The following CCDC93 variants were observed in gnomAD, a reference collection of about 807,000 sequenced individuals.
The protein encoded by CCDC93 is coiled-coil domain-containing protein 93.
Under a neutral mutation model 108.2 loss-of-function variants are expected in CCDC93, and 61 were observed. The ratio of observed to expected loss-of-function variants is 0.56; its 90% CI spans 0.46 to 0.70. The LOEUF is 0.70. Among genes scored for constraint, CCDC93 ranks in the 30% least tolerant of loss-of-function variants. The pLI is 0.00. For missense variants in CCDC93, 685 were observed against 764.2 expected, an observed-to-expected ratio of 0.90 and a Z score of 1.22; for synonymous variants, 276 against 260.4, an observed-to-expected ratio of 1.06 and a Z score of -0.58.
At chr2:118,007,089 T>C (rs1323012577) in intron 2 of CCDC93, among the ~76,000 whole-genome samples, 2 of 152,216 alleles carry the variant, frequency 1.3e-5, no homozygotes, top group Non-Finnish European at 2.9e-5. Context: ...TGCTGAGCAG[T>C]TGAAATGTGG....
chr2:117,945,616 T>C lies in CCDC93; in HGVS notation c.1297-34A>G, dbSNP rs201717424. ...ATGAAAACATAATAAACACCTCTCC[T>C]GAGCATTCGGGAATAAGACAGAAGC... On this transcript the variant is annotated intron_variant, in intron 16 of 23. Transcript: ENST00000376300. The C allele has an allele frequency of 1.9e-6, 3 of 1,587,854 alleles. No homozygotes were observed. The East Asian group carries it at 6.7e-5, about 36-fold the overall frequency.
At chr2:117,991,145 A>G (rs1054262654) in intron 6 of CCDC93, among the ~76,000 whole-genome samples, 3 of 152,218 alleles carry the variant, frequency 2.0e-5, no homozygotes, top group Non-Finnish European at 2.9e-5. Context: ...ATGTCTAAAC[A>G]AGAATAAGTA....
chr2:117,948,165 T>C lies in CCDC93; in HGVS notation c.1164A>G (p.Ala388=). The part of the protein sequence containing the change: ...ADPSILQNLR[A]LVAMNENLKS... ...TCAGATTTTCATTCATGGCTACAAGTGCTCTCAGGTTCTGTAGGATACTGA... is the reference window on the plus strand; with the variant it reads ...TCAGATTTTCATTCATGGCTACAAGCGCTCTCAGGTTCTGTAGGATACTGA... Residue 388 remains alanine (A), a synonymous_variant, in exon 15 of 24, where the codon GCA becomes GCG. Transcript: ENST00000376300. 1 of 1,613,548 alleles carries C rather than the reference T, an allele frequency of 6.2e-7. No homozygotes were observed. The highest frequency in any genetic ancestry group is 1.1e-5 in the South Asian group (1 of 91,054).
intron 7 of CCDC93, among the ~76,000 whole-genome samples, chr2:117,984,313 T>C (rs1369912698): frequency 2.0e-5 from 3 of 152,112 alleles, no homozygotes; most frequent in African/African-American, 2.4e-5. Context: ...CCAGGATTGG[T>C]ATCAAGACAC....
At chr2:117,969,909 C>T (rs1489454519) in intron 11 of CCDC93, among the ~76,000 whole-genome samples, 1 of 152,128 alleles carries the variant, frequency 6.6e-6, no homozygotes, top group Non-Finnish European at 1.5e-5. Flanking sequence ...TTCCTTGAAC[C>T]CTCCTTCAAG....
At chr2:118,005,867 ATAAAG>A (rs1308959105) in intron 3 of CCDC93, among the ~76,000 whole-genome samples, 6 of 152,172 alleles carry the variant, frequency 3.9e-5, no homozygotes, top group South Asian at 2.1e-4. Context: ...CTGTATAAAT[ATAAAG>A]TAAATTGCAA....
chr2:117,984,081 A>G (rs1680241877), intron 7 of CCDC93, among the ~76,000 whole-genome samples: 2 of 152,170 alleles, frequency 1.3e-5, no homozygotes, highest in African/African-American at 4.8e-5. Flanking sequence ...TGTTGTCATT[A>G]TTAGTCTCAA....
At chr2:117,986,677 A>G (rs1296329651) in intron 6 of CCDC93, among the ~76,000 whole-genome samples, 4 of 152,226 alleles carry the variant, frequency 2.6e-5, no homozygotes, top group Admixed American at 2.0e-4. Flanking sequence ...ACTTTAGTAT[A>G]CAGTTTCGAG....
At position 117,936,571 on chromosome 2, in the gene CCDC93, G is replaced by A. The variant is rs980676023; in HGVS notation, c.1643+131C>T. On this transcript the variant is annotated intron_variant, in intron 21 of 23. Coordinates refer to ENST00000376300, the MANE Select transcript of CCDC93 (RefSeq NM_019044.5). ...GATACTTAGCAGAAGGGCTAAAAGA[G>A]TAAGAATCACATACCCAGTGTTAAG... 6.4e-6 allele frequency: 5 copies of A among 777,072 alleles called. No individual in the cohort carries two copies. In the African/African-American group the frequency reaches 6.8e-5, roughly 11 times the overall value. 48.1% of individuals were successfully genotyped at this position (777,072 alleles called of 1,614,324 possible).
intron 7 of CCDC93, among the ~76,000 whole-genome samples, chr2:117,979,562 GAACA>G (rs1459476884): frequency 2.6e-5 from 4 of 152,242 alleles, no homozygotes; most frequent in Non-Finnish European, 4.4e-5. Context: ...AATATTCACT[GAACA>G]AACAAACTAA....
chr2:117,950,923 C>T, intron 13 of CCDC93: 5 of 985,456 alleles, frequency 5.1e-6, no homozygotes, highest in Non-Finnish European at 6.0e-6. Flanking sequence ...GGAACGACGA[C>T]TGCAGGAATG....
intron 11 of CCDC93, among the ~76,000 whole-genome samples, chr2:117,959,053 T>C (rs905916854): frequency 6.6e-5 from 10 of 152,178 alleles, no homozygotes; most frequent in Non-Finnish European, 1.3e-4. Context: ...GTAGGAAAAG[T>C]TCTGCAACTC....
chr2:117,939,211 G>C (rs759802607), intron 19 of CCDC93, 100 bp from the exon 20 acceptor site: 23 of 699,900 alleles, frequency 3.3e-5, no homozygotes, highest in Non-Finnish European at 5.3e-5. Context: ...AACTTTGTCA[G>C]GCCTGGGAGC....
intron 19 of CCDC93, among the ~76,000 whole-genome samples, chr2:117,940,317 A>G (rs1404155352): frequency 6.6e-6 from 1 of 152,116 alleles, no homozygotes; most frequent in Non-Finnish European, 1.5e-5. Flanking sequence ...GGTTTACAGG[A>G]TCTGAATTGG....
intron 11 of CCDC93, among the ~76,000 whole-genome samples, chr2:117,969,721 G>A (rs1045131073): frequency 6.7e-6 from 1 of 149,162 alleles, no homozygotes; most frequent in African/African-American, 2.4e-5. Context: ...GAACATGGAC[G>A]AAAACATAAA....
At chr2:117,943,959 A>G in intron 18 of CCDC93, 65 bp downstream of exon 18, 1 of 1,089,688 alleles carries the variant, frequency 9.2e-7, no homozygotes, top group South Asian at 1.5e-5. Flanking sequence ...CTTTCTAGTT[A>G]TGTCATAGGA....
chr2:117,925,855 C>G (rs1678069455), intron 23 of CCDC93, among the ~76,000 whole-genome samples: 1 of 152,088 alleles, frequency 6.6e-6, no homozygotes, highest in Non-Finnish European at 1.5e-5. Context: ...CAAAATTGAC[C>G]ACATAGATGG....
At chr2:117,923,094 G>C (rs924744891) in intron 23 of CCDC93, among the ~76,000 whole-genome samples, 1 of 152,292 alleles carries the variant, frequency 6.6e-6, no homozygotes, top group South Asian at 2.1e-4. Flanking sequence ...TAAATGTGAG[G>C]TGAAATATAT....
At chr2:117,983,808 G>C (rs1391193923) in intron 7 of CCDC93, among the ~76,000 whole-genome samples, 1 of 152,044 alleles carries the variant, frequency 6.6e-6, no homozygotes, top group African/African-American at 2.4e-5. Context: ...ACACACACTT[G>C]TTGGGGCTGT....
Sources: allele counts gnomAD v4.1 joint callset (sites outside exome capture counted in the v4.1 genomes callset), GRCh38; gene constraint gnomAD v4.1.1; transcripts MANE v1.5; gene names NCBI Gene and HGNC (gene_info 2026-07-23, HGNC 2026-07-21).